The following PRKCZ variants were observed in gnomAD, a reference collection of about 807,000 sequenced individuals.
PRKCZ encodes the protein protein kinase C zeta type.
In PRKCZ, 33 loss-of-function variants were observed where a neutral mutation model predicts 79.5. The ratio of observed to expected loss-of-function variants is 0.41; its 90% CI spans 0.31 to 0.55. The LOEUF is 0.55. PRKCZ is among the 20% of genes least tolerant of loss of function. PRKCZ has a pLI of 0.19. For missense variants in PRKCZ, 578 were observed against 813.5 expected (o/e 0.71, Z 3.52); for synonymous variants, 342 against 320.9 (o/e 1.07, Z -0.70).
At chr1:2,146,977 A>G (rs1481014671) in intron 7 of PRKCZ, among the ~76,000 whole-genome samples, 1 of 151,816 alleles carries the variant, frequency 6.6e-6, no homozygotes, top group African/African-American at 2.4e-5. Flanking sequence ...CCACCTATCC[A>G]TCTATCCACG....
intron 4 of PRKCZ, among the ~76,000 whole-genome samples, chr1:2,085,598 C>A (rs1475195328): frequency 6.6e-6 from 1 of 152,090 alleles, no homozygotes; most frequent in Non-Finnish European, 1.5e-5. Flanking sequence ...ATATGGGGGG[C>A]CCTGTTCTCA....
intron 4 of PRKCZ, among the ~76,000 whole-genome samples, chr1:2,129,056 G>A (rs114268131): frequency 0.01 from 1,565 of 152,258 alleles, 33 homozygotes; most frequent in African/African-American, 0.035. Context: ...GAGGGGTGGG[G>A]ACCGCCAGGT....
chr1:2,180,839 G>A (rs1029256929), intron 16 of PRKCZ, among the ~76,000 whole-genome samples: 18 of 152,044 alleles, frequency 1.2e-4, no homozygotes, highest in Admixed American at 9.8e-4. Context: ...CCCTGCATCC[G>A]GTGGCAGGGC....
intron 4 of PRKCZ, among the ~76,000 whole-genome samples, chr1:2,116,676 T>C (rs1670824200): frequency 6.6e-6 from 1 of 152,222 alleles, no homozygotes; most frequent in Non-Finnish European, 1.5e-5. Flanking sequence ...TTCTGATTTC[T>C]TCTGCTTTAT....
chr1:2,152,089 A>C (rs1350119881), intron 9 of PRKCZ, among the ~76,000 whole-genome samples: 1 of 151,670 alleles, frequency 6.6e-6, no homozygotes, highest in East Asian at 1.9e-4. Flanking sequence ...GCGCTCATGC[A>C]CTCTGCCCGC....
At position 2,113,031 on chromosome 1, in the gene PRKCZ, A is replaced by G. The variant is rs557825380; in HGVS notation, c.335-22231A>G. On this transcript the variant is annotated intron_variant, in intron 4 of 17. Coordinates refer to ENST00000378567, the MANE Select transcript of PRKCZ (RefSeq NM_002744.6). ...TTTGTGACTTACAGTCATCAGCTGA[A>G]GGAAAGACAGTGGCTTGGCTAGGGC... Among the ~76,000 whole-genome samples, 19 of 152,328 alleles carry G rather than the reference A, an allele frequency of 1.2e-4. No individual in the cohort carries two copies. The East Asian group carries it at 3.1e-3, about 25-fold the overall frequency.
intron 4 of PRKCZ, among the ~76,000 whole-genome samples, chr1:2,101,019 TA>T (rs3067304): frequency 0.33 from 43,598 of 133,298 alleles, 7,101 homozygotes; most frequent in African/African-American, 0.42. Flanking sequence ...TTTATTTTGT[TA>T]AAAAAAAAAA....
Position 2,050,443 on chromosome 1 carries a change from G to A in PRKCZ, c.-188G>A. 4.9e-6 allele frequency: 1 copy of A among 204,628 alleles called. No individual in the cohort carries two copies. Among genetic ancestry groups the A allele is most frequent in the Non-Finnish European group, 9.6e-6 (1 of 104,706 alleles). The allele number at this position is 204,628 out of a possible 1,614,324, so 12.7% of individuals were successfully genotyped here. A position where few individuals can be genotyped will look rare whatever the true frequency, so the allele number is the denominator to read the frequency against. On this transcript the variant is annotated 5_prime_UTR_variant, in exon 1 of 18. Coordinates refer to ENST00000378567, the MANE Select transcript of PRKCZ (RefSeq NM_002744.6). ...CACCGCCCCCCGCCCCCGCCGGACGGTCCCGCCCCGCGCGCCCCCCGCTCC... is the reference window on the plus strand; with the variant it reads ...CACCGCCCCCCGCCCCCGCCGGACGATCCCGCCCCGCGCGCCCCCCGCTCC...
At chr1:2,087,681 G>A (rs561280682) in intron 4 of PRKCZ, among the ~76,000 whole-genome samples, 52 of 152,254 alleles carry the variant, frequency 3.4e-4, no homozygotes, top group Admixed American at 7.8e-4. Context: ...GCAGAAAGAC[G>A]TGAAGAGAGT....
At chr1:2,066,195 G>C (rs1661109285) in intron 4 of PRKCZ, among the ~76,000 whole-genome samples, 1 of 152,212 alleles carries the variant, frequency 6.6e-6, no homozygotes, top group South Asian at 2.1e-4. Flanking sequence ...TTTGGTGTCA[G>C]AGTAGTGCTG....
intron 8 of PRKCZ, 33 bp downstream of exon 8, chr1:2,148,957 G>A (rs372791355): frequency 1.1e-5 from 17 of 1,601,968 alleles, no homozygotes; most frequent in South Asian, 3.3e-5. Context: ...TGCCATTTCC[G>A]ACGTCCTCTG....
chr1:2,074,269 ACGGATGGTGTGT>A, intron 4 of PRKCZ: 2 of 1,549,472 alleles, frequency 1.3e-6, no homozygotes, highest in Non-Finnish European at 1.7e-6. Context: ...CACCCCGAGG[ACGGATGGTGTGT>A]GGCCCAGGCC....
chr1:2,062,114 C>T (rs1430275755), intron 4 of PRKCZ, among the ~76,000 whole-genome samples: 2 of 152,196 alleles, frequency 1.3e-5, no homozygotes, highest in African/African-American at 2.4e-5. Context: ...GACCTTCTGG[C>T]ACATTCTATG....
chr1:2,093,288 C>T (rs1302990381), intron 4 of PRKCZ, among the ~76,000 whole-genome samples: 2 of 152,118 alleles, frequency 1.3e-5, no homozygotes, highest in Non-Finnish European at 2.9e-5. Context: ...GCTTCCTGCG[C>T]CCTGTTTACC....
chr1:2,128,010 C>T lies in PRKCZ; in HGVS notation c.335-7252C>T, dbSNP rs976497778. Among the ~76,000 whole-genome samples the T allele has an allele frequency of 2.0e-5, 3 of 152,204 alleles. No individual in the cohort carries two copies. Among genetic ancestry groups the T allele is most frequent in the African/African-American group, 7.2e-5 (3 of 41,444 alleles). On this transcript the variant is annotated intron_variant, in intron 4 of 17. Transcript: ENST00000378567. This position sits in a 1 kb window ranked among gnomAD's most constrained non-coding sequence, Gnocchi z 6.5. The stretch of plus-strand genomic sequence containing the variant: ...GAAGCCTGGAGAGGAAGCCAGGTGG[C>T]CCCAGGCTCCTGGAGCTCAGAATCT...
chr1:2,148,417 A>G (rs1441764946), intron 7 of PRKCZ, among the ~76,000 whole-genome samples: 2 of 151,276 alleles, frequency 1.3e-5, no homozygotes, highest in Non-Finnish European at 2.9e-5. Flanking sequence ...TCTATTGTCC[A>G]CTAACCTCTC....
At chr1:2,097,768 T>C (rs3128328) in intron 4 of PRKCZ, among the ~76,000 whole-genome samples, 94,551 of 152,070 alleles carry the variant, frequency 0.62, 31,458 homozygotes, top group East Asian at 0.95. Context: ...TTTTGGGTGC[T>C]GCAAAAGAAA....
At chr1:2,104,871 CAG>C in intron 4 of PRKCZ, 1 of 985,498 alleles carries the variant, frequency 1.0e-6, no homozygotes, top group South Asian at 4.7e-5. Flanking sequence ...GTGCTGTCTT[CAG>C]AGAGAGAAGA....
intron 5 of PRKCZ, among the ~76,000 whole-genome samples, chr1:2,135,770 C>T (rs1028080260): frequency 6.6e-6 from 1 of 152,246 alleles, no homozygotes; most frequent in African/African-American, 2.4e-5. Flanking sequence ...CTCCTTCAGC[C>T]CCATCCCTGC....
Sources: allele counts gnomAD v4.1 joint callset (sites outside exome capture counted in the v4.1 genomes callset), GRCh38; gene constraint gnomAD v4.1.1; non-coding constraint Gnocchi (gnomAD v3.1); transcripts MANE v1.5; gene names NCBI Gene and HGNC (gene_info 2026-07-23, HGNC 2026-07-21).